NBAS: variants seen among roughly 807,000 people sequenced by gnomAD.
NBAS encodes NBAS subunit of NRZ tethering complex.
A neutral mutation model predicts 302.5 loss-of-function variants in NBAS; 219 were observed. The observed-to-expected ratio is 0.72, with a 90% confidence interval of 0.65 to 0.81. The LOEUF is 0.81. NBAS is among the 30% of genes least tolerant of loss of function. The probability of loss-of-function intolerance (pLI) is 0.00; values close to 1 mark genes in which losing one functional copy is unlikely to be tolerated. For synonymous variants in NBAS, 1,118 were observed against 1,021.6 expected (o/e 1.09, Z -1.80); for missense variants, 2,932 against 2,841.6 (o/e 1.03, Z -0.72).
At chr2:14,864,057 G>A in the NBAS span, among the ~76,000 whole-genome samples, 8 of 152,120 alleles carry the variant, frequency 5.3e-5, no homozygotes, top group Admixed American at 2.0e-4. Context: ...GGTGGCTCAC[G>A]CCTGTAATCC....
At chr2:15,267,636 G>A (rs1023463364) in intron 44 of NBAS, among the ~76,000 whole-genome samples, 5 of 151,838 alleles carry the variant, frequency 3.3e-5, no homozygotes, top group Admixed American at 6.6e-5. Flanking sequence ...AAAAACTTAC[G>A]AAAAAGATCA....
chr2:15,343,934 T>A (rs1672969457), intron 35 of NBAS, among the ~76,000 whole-genome samples: 2 of 134,976 alleles, frequency 1.5e-5, no homozygotes, highest in African/African-American at 2.7e-5. Flanking sequence ...AAATATACAC[T>A]GAGAGAAAAA....
chr2:15,147,696 G>GC, the NBAS span, among the ~76,000 whole-genome samples: 2 of 152,040 alleles, frequency 1.3e-5, no homozygotes, highest in African/African-American at 4.8e-5. Context: ...TAAGGCAATT[G>GC]CCCCCTTTCT....
chr2:14,824,948 A>G, the NBAS span, among the ~76,000 whole-genome samples: 85,714 of 151,992 alleles, frequency 0.56, 26,306 homozygotes, highest in African/African-American at 0.83. Context: ...TGTCCAAGGC[A>G]AGGGGTACCT....
the NBAS span, among the ~76,000 whole-genome samples, chr2:14,990,617 G>C: frequency 6.6e-6 from 1 of 151,986 alleles, no homozygotes; most frequent in Admixed American, 6.5e-5. Context: ...GCAGATAAAG[G>C]CATTTTGTCA....
chr2:15,336,009 T>C lies in NBAS; in HGVS notation c.4180-5244A>G, dbSNP rs142434195. Among the ~76,000 whole-genome samples the C allele has an allele frequency of 1.9e-3, 284 of 152,068 alleles. 1 individual carries two copies. Among genetic ancestry groups the C allele is most frequent in the African/African-American group, 6.7e-3 (277 of 41,442 alleles). On this transcript the variant is annotated intron_variant, in intron 35 of 51. Transcript: ENST00000281513. ...TATATGGGAGGCTGAGGTAGTAGAA[T>C]TGCTTGAGCCCTGGAGGTTAAGGCT...
the NBAS span, among the ~76,000 whole-genome samples, chr2:14,793,973 TAG>T: frequency 6.6e-6 from 1 of 152,208 alleles, no homozygotes; most frequent in South Asian, 2.1e-4. Flanking sequence ...AGGAATGAAG[TAG>T]AAATACAAAC....
chr2:15,534,689 G>T, intron 8 of NBAS, 48 bp from the exon 9 acceptor site: 2 of 1,275,002 alleles, frequency 1.6e-6, no homozygotes, highest in Non-Finnish European at 1.1e-6. Flanking sequence ...AAACCACAAT[G>T]AATATCACTA....
At chr2:15,088,880 G>T in the NBAS span, among the ~76,000 whole-genome samples, 1 of 152,218 alleles carries the variant, frequency 6.6e-6, no homozygotes, top group Non-Finnish European at 1.5e-5. Context: ...GAGAAGATGT[G>T]AGGATTCAGG....
the NBAS span, among the ~76,000 whole-genome samples, chr2:14,815,398 A>G: frequency 2.8e-3 from 430 of 152,318 alleles, 1 homozygote; most frequent in Middle Eastern, 0.01. Flanking sequence ...GCTTTGGGAA[A>G]AATTTCTTCA....
rs997043972 is a variant in NBAS, at chr2:15,366,693, A to G, written c.3704T>C (p.Val1235Ala). 2 of 1,613,560 alleles carry G rather than the reference A, an allele frequency of 1.2e-6. No individual in the cohort carries two copies. Among genetic ancestry groups the G allele is most frequent in the Non-Finnish European group, 1.7e-6 (2 of 1,179,490 alleles). Residue 1235 changes from valine to alanine, a missense_variant and splice_region_variant, in exon 32 of 52, where the codon GTG (valine) becomes GCG (alanine). Transcript: ENST00000281513. ...ACTGATCCGATCAGGGCACAATCGC[A>G]CTACAAAAGAAAGACGTATTAAAGA... is the stretch of plus-strand genomic sequence containing the variant. ...EFGVKILPLQ[V>A]RLCPDRISLI...
At chr2:15,545,148 G>C (rs538804537) in intron 6 of NBAS, among the ~76,000 whole-genome samples, 1 of 152,198 alleles carries the variant, frequency 6.6e-6, no homozygotes, top group East Asian at 1.9e-4. Context: ...AAATCATGTT[G>C]TTTATGTTCT....
the NBAS span, among the ~76,000 whole-genome samples, chr2:15,098,935 A>T: frequency 7.3e-5 from 11 of 151,476 alleles, no homozygotes; most frequent in Admixed American, 2.0e-4. Flanking sequence ...ACTGCAGTGG[A>T]CTGAATGTTG....
At chr2:15,038,508 C>A in the NBAS span, among the ~76,000 whole-genome samples, 1 of 152,150 alleles carries the variant, frequency 6.6e-6, no homozygotes. Flanking sequence ...TTAGAAGCTC[C>A]CGCGACTAGC....
At chr2:15,362,943 C>A (rs887450361) in intron 32 of NBAS, among the ~76,000 whole-genome samples, 1 of 152,042 alleles carries the variant, frequency 6.6e-6, no homozygotes, top group Non-Finnish European at 1.5e-5. Flanking sequence ...AGAGATGGGG[C>A]CAGGCGCAGT....
At chr2:14,836,385 C>T in the NBAS span, among the ~76,000 whole-genome samples, 1 of 151,364 alleles carries the variant, frequency 6.6e-6, no homozygotes, top group Non-Finnish European at 1.5e-5. Flanking sequence ...AGATATTCTT[C>T]CAAATTTGCC....
At chr2:15,504,348 T>C (rs908304523) in intron 10 of NBAS, 135 bp from the exon 11 acceptor site, 5 of 778,582 alleles carry the variant, frequency 6.4e-6, no homozygotes, top group Middle Eastern at 2.6e-4. Flanking sequence ...ACCAAGAAGG[T>C]GTCAAGGATC....
At chr2:15,506,142 G>A (rs1314675918) in intron 10 of NBAS, among the ~76,000 whole-genome samples, 1 of 151,998 alleles carries the variant, frequency 6.6e-6, no homozygotes, top group Non-Finnish European at 1.5e-5. Flanking sequence ...AGAGAAGATA[G>A]TAAGAAGCAG....
intron 44 of NBAS, among the ~76,000 whole-genome samples, chr2:15,244,183 TTAAA>T (rs778628626): frequency 1.3e-5 from 2 of 152,082 alleles, no homozygotes; most frequent in Non-Finnish European, 2.9e-5. Flanking sequence ...CTAACAGATA[TTAAA>T]TAAATAAGAA....
Sources: gnomAD v4.1 joint callset for allele counts (sites outside exome capture counted in the v4.1 genomes callset) on GRCh38, gnomAD v4.1.1 for gene constraint, MANE v1.5 for transcripts, NCBI Gene and HGNC (gene_info 2026-07-23, HGNC 2026-07-21) for gene names.